The following ATN1 variants were observed in gnomAD, a reference collection of about 807,000 sequenced individuals.
ATN1 encodes atrophin 1.
In ATN1, 19 loss-of-function variants were observed where a neutral mutation model predicts 85.8. The observed-to-expected ratio is 0.22, with a 90% CI of 0.15 to 0.32. The LOEUF (loss-of-function observed/expected upper bound fraction) is 0.32, where lower values mean the gene tolerates loss of function less well. ATN1 is among the 10% of genes least tolerant of loss of function. The pLI is 1.00. For synonymous variants in ATN1, 674 were observed against 657.0 expected, an observed-to-expected ratio of 1.03 and a Z score of -0.39; for missense variants, 1,453 against 1,564.5, an observed-to-expected ratio of 0.93 and a Z score of 1.20.
Position 6,937,347 on chromosome 12 carries a change from C to T in ATN1, c.2080C>T (p.Pro694Ser), listed in dbSNP as rs1945561044. The T allele has an allele frequency of 6.4e-7, 1 of 1,552,894 alleles. No homozygotes were observed. The highest frequency in any genetic ancestry group is 8.7e-7 in the Non-Finnish European group (1 of 1,150,000). ...TFKPGSPTVG[P>S]GPLPPAGPSG... is the part of the protein sequence containing the mutation. ...CAAGCCGGGCTCGCCCACCGTGGGA[C>T]CTGGGCCCCTGCCACCTGCGGGGCC... Residue 694 changes from proline to serine, a missense_variant, in exon 5 of 10, where the codon CCT becomes TCT. Physicochemically the swap from Pro to Ser is moderately conservative, Grantham distance 74. Coordinates refer to ENST00000396684, the MANE Select transcript of ATN1 (RefSeq NM_001940.4). The surrounding 1 kb of genome is among the most constrained non-coding windows in gnomAD (Gnocchi z 6.0).
At position 6,937,571 on chromosome 12, in the gene ATN1, C is replaced by T; in HGVS notation, c.2294+10C>T. 6.7e-7 allele frequency: 1 copy of T among 1,486,672 alleles called. No individual in the cohort carries two copies. Among genetic ancestry groups the T allele is most frequent in the African/African-American group, 1.4e-5 (1 of 70,748 alleles). The allele number at this position is 1,486,672 out of a possible 1,614,324, so 92.1% of individuals were successfully genotyped here. A position where few individuals can be genotyped will look rare whatever the true frequency, so the allele number is the denominator to read the frequency against. On this transcript the variant is annotated intron_variant, in intron 5 of 9. Transcript: ENST00000396684. This position sits in a 1 kb window ranked among gnomAD's most constrained non-coding sequence, Gnocchi z 6.0. ...CCAGTCAGTCTGCCAGGTGAGCGGC[C>T]AGGTGGGGCGGAGGTGGGCCTGGAA...
Position 6,937,975 on chromosome 12 carries a change from C to G in ATN1, c.2425C>G (p.Gln809Glu), listed in dbSNP as rs1555144104. The change falls in exon 6 of 10, where the codon CAG becomes GAG. Residue 809 changes from glutamine to glutamate, a missense_variant. Physicochemically the swap from Gln to Glu is conservative, Grantham distance 29. This residue lies in a region of ATN1 where 990 missense variants were observed against 914.8 expected (regional missense o/e 1.08). Coordinates refer to ENST00000396684, the MANE Select transcript of ATN1 (RefSeq NM_001940.4). This position sits in a 1 kb window ranked among gnomAD's most constrained non-coding sequence, Gnocchi z 6.0. ...GGAGAAGGTGCGGCGCGAGGCCGAG[C>G]AGCGCGCGCGCGAAGAAAAGGAGCG... ...LVEKVRREAE[Q>E]RAREEKERER... 6.4e-7 allele frequency: 1 copy of G among 1,555,338 alleles called. No individual in the cohort carries two copies. Among genetic ancestry groups the G allele is most frequent in the South Asian group, 1.2e-5 (1 of 84,574 alleles).
In ATN1 at chr12:6,939,173, T is replaced by C. The variant is rs782375052; in HGVS notation, c.3210T>C (p.His1070=). The C allele has an allele frequency of 1.4e-5, 22 of 1,594,626 alleles. No homozygotes were observed. In the South Asian group the frequency reaches 2.3e-4, roughly 17 times the overall value. ...ACCTGCACCAGCAAGATGCTATCCATGCAGGTGAGACCCCTCCTTCCTTGC... is the reference window on the plus strand; with the variant it reads ...ACCTGCACCAGCAAGATGCTATCCACGCAGGTGAGACCCCTCCTTCCTTGC... ...HLHLHQQDAI[H]AASASVHPLI... Residue 1070 remains histidine (H), a synonymous_variant, in exon 7 of 10, where the codon CAT becomes CAC. Coordinates refer to ENST00000396684, the MANE Select transcript of ATN1 (RefSeq NM_001940.4).
rs1555143352 is a variant in ATN1, at chr12:6,934,513, C to T, written c.214C>T (p.Arg72Trp). The T allele has an allele frequency of 3.1e-6, 5 of 1,587,904 alleles. No homozygotes were observed. In the African/African-American group the frequency reaches 4.0e-5, roughly 13 times the overall value. Reference protein sequence around the residue: ...ASTPKVNKQGRSEEISESESE... With the variant: ...ASTPKVNKQGWSEEISESESE... ...CACCCCAAAGGTCAACAAGCAGGGT[C>T]GGAGTGAGGAGATCTCAGAGAGTGA... is the stretch of plus-strand genomic sequence containing the variant. Residue 72 changes from arginine (R) to tryptophan (W), a missense_variant, in exon 4 of 10, where the codon CGG becomes TGG. Physicochemically the swap from Arg to Trp is moderately radical, Grantham distance 101. Transcript: ENST00000396684. The surrounding 1 kb of genome is among the most constrained non-coding windows in gnomAD (Gnocchi z 4.5).
chr12:6,929,632 T>A (rs1349320380), intron 1 of ATN1, among the ~76,000 whole-genome samples: 1 of 152,150 alleles, frequency 6.6e-6, no homozygotes, highest in Non-Finnish European at 1.5e-5. Flanking sequence ...TGTTTCTGGA[T>A]CTGTTGGTGG....
chr12:6,933,318 G>A lies in ATN1; in HGVS notation c.-162-522G>A, dbSNP rs782682144. Among the ~76,000 whole-genome samples the A allele has an allele frequency of 2.6e-5, 4 of 151,984 alleles. No homozygotes were observed. In the South Asian group the frequency reaches 8.3e-4, roughly 31 times the overall value. On this transcript the variant is annotated intron_variant, in intron 1 of 9. Coordinates refer to ENST00000396684, the MANE Select transcript of ATN1 (RefSeq NM_001940.4). ...TGCAACCTCTGCCTCCCAGGTTCAA[G>A]TGATTTGCTTGCCTCAGCCTCCTGA...
In ATN1 at chr12:6,937,453, A is replaced by T; in HGVS notation, c.2186A>T (p.Glu729Val). The change falls in exon 5 of 10, where the codon GAG becomes GTG. Residue 729 changes from glutamate to valine, a missense_variant. Around this residue, in one of 6 missense-constraint regions of ATN1, gnomAD observed 990 missense variants for 914.8 expected, o/e 1.08. Transcript: ENST00000396684. The surrounding 1 kb of genome is among the most constrained non-coding windows in gnomAD (Gnocchi z 6.0). ...PPLSATQIKQ[E>V]PAEEYETPES... is the part of the protein sequence containing the mutation. ...CTGAGCGCCACGCAGATCAAACAGG[A>T]GCCGGCTGAGGAGTATGAGACCCCC... 2 of 1,546,576 alleles carry T rather than the reference A, an allele frequency of 1.3e-6. No individual in the cohort carries two copies. Among genetic ancestry groups the T allele is most frequent in the Non-Finnish European group, 8.7e-7 (1 of 1,147,100 alleles).
At chr12:6,926,948 C>T (rs1555142622), upstream of ATN1, among the ~76,000 whole-genome samples, 1 of 151,760 alleles carries the variant, frequency 6.6e-6, no homozygotes, top group Non-Finnish European at 1.5e-5. Flanking sequence ...CCAGCCAGCC[C>T]GGTGTCTCCC....
rs1945562079 is a variant in ATN1, at chr12:6,937,381, T to TGCCATCGCTGCC, written c.2115_2126dup (p.Ser707_Pro710dup). ...CTGCCACCTGCGGGGCCCTCAGGCC[T>TGCCATCGCTGCC]GCCATCGCTGCCACCACCACCTGCG... On this transcript the variant is annotated inframe_insertion, in exon 5 of 10. Coordinates refer to ENST00000396684, the MANE Select transcript of ATN1 (RefSeq NM_001940.4). This position sits in a 1 kb window ranked among gnomAD's most constrained non-coding sequence, Gnocchi z 6.0. The TGCCATCGCTGCC allele has an allele frequency of 1.9e-6, 3 of 1,548,800 alleles. No individual in the cohort carries two copies. The East Asian group carries it at 7.3e-5, about 38-fold the overall frequency.
Position 6,941,837 on chromosome 12 carries a change from C to A in ATN1, c.*57C>A. On this transcript the variant is annotated 3_prime_UTR_variant, in exon 10 of 10. Transcript: ENST00000396684. The surrounding 1 kb of genome is among the most constrained non-coding windows in gnomAD (Gnocchi z 5.9). The stretch of plus-strand genomic sequence containing the variant: ...ACATTGGACCTTGGAGCACCCCCAC[C>A]CTCCCCCCACCGTGCCCTTGGCCTG... 6.3e-7 allele frequency: 1 copy of A among 1,577,714 alleles called. No homozygotes were observed. The highest frequency in any genetic ancestry group is 2.2e-5 in the East Asian group (1 of 44,692).
Position 6,936,173 on chromosome 12 carries a change from TC to T in ATN1, c.911del (p.Pro304HisfsTer4). The T allele has an allele frequency of 1.3e-6, 2 of 1,543,288 alleles. No homozygotes were observed. The highest frequency in any genetic ancestry group is 1.7e-6 in the Non-Finnish European group (2 of 1,144,836). On this transcript the variant is annotated frameshift_variant, in exon 5 of 10. Coordinates refer to ENST00000396684, the MANE Select transcript of ATN1 (RefSeq NM_001940.4). LOFTEE classifies it high-confidence loss of function. ...TCCCCCATGTGACACCGAACCTGCCTCCCCCACCTGCCCTGAGACCCCTCAA... is the reference window on the plus strand; with the variant it reads ...TCCCCCATGTGACACCGAACCTGCCTCCCCACCTGCCCTGAGACCCCTCAA... ...NFPHVTPNLP[P>X]PPALRPLNNA... is the part of the protein sequence containing the mutation.
rs1555142953 is a variant in ATN1, at chr12:6,930,543, C to T, written c.-163+2159C>T. Among the ~76,000 whole-genome samples the T allele has an allele frequency of 1.3e-5, 2 of 152,228 alleles. 1 individual carries two copies. The highest frequency in any genetic ancestry group is 4.1e-4 in the South Asian group (2 of 4,834). ...GTGCGCAGTGGCTCACGCCTGTAATCCCAGCACTTTGGGAGGCTGAGGCGG... is the reference window on the plus strand; with the variant it reads ...GTGCGCAGTGGCTCACGCCTGTAATTCCAGCACTTTGGGAGGCTGAGGCGG... On this transcript the variant is annotated intron_variant, in intron 1 of 9. Transcript: ENST00000396684.
rs781808742 is a variant in ATN1 at position 6,940,948 on chromosome 12, C to T, written c.3283C>T (p.Pro1095Ser). 5 of 1,614,218 alleles carry T rather than the reference C, an allele frequency of 3.1e-6. No individual in the cohort carries two copies. In the South Asian group the frequency reaches 4.4e-5, roughly 14 times the overall value. ...SGSHLTRIPY[P>S]AGTLPNPLLP... ...GTCTCACCTTACCCGGATCCCCTAC[C>T]CAGCTGGAACTCTCCCTAACCCCCT... Residue 1095 changes from proline (P) to serine (S), a missense_variant, in exon 8 of 10, where the codon CCA (proline) becomes TCA (serine). By Grantham distance (74) the Pro-to-Ser change is moderately conservative. Transcript: ENST00000396684.
intron 6 of ATN1, 22 bp from the exon 7 acceptor site, chr12:6,938,459 C>T: frequency 6.3e-7 from 1 of 1,585,292 alleles, no homozygotes; most frequent in Non-Finnish European, 8.6e-7. Context: ...GCTTTGACTC[C>T]ACTTTTCCCT....
At chr12:6,926,500 C>G (rs1945400335), upstream of ATN1, among the ~76,000 whole-genome samples, 1 of 150,002 alleles carries the variant, frequency 6.7e-6, no homozygotes, top group Non-Finnish European at 1.5e-5. Flanking sequence ...TTTGAGACGG[C>G]GTCTCGCTCT....
Position 6,938,845 on chromosome 12 carries a change from A to G in ATN1, c.2882A>G (p.His961Arg), listed in dbSNP as rs1555144271. The G allele has an allele frequency of 1.2e-6, 2 of 1,613,946 alleles. No homozygotes were observed. The highest frequency in any genetic ancestry group is 1.7e-5 in the Admixed American group (1 of 60,004). The change falls in exon 7 of 10, where the codon CAT becomes CGT. Residue 961 changes from histidine (H) to arginine (R), a missense_variant. By Grantham distance (29) the His-to-Arg change is conservative. Coordinates refer to ENST00000396684, the MANE Select transcript of ATN1 (RefSeq NM_001940.4). ...EVKPSELEPL[H>R]GVPGPGLDPF... ...AAGCCTAGTGAGCTGGAACCCCTAC[A>G]TGGGGTCCCTGGGCCGGGCTTGGAT...
rs143492759 is a variant in ATN1, at chr12:6,935,639, C to T, written c.372C>T (p.Ile124=). Residue 124 remains isoleucine, a synonymous_variant, in exon 5 of 10, where the codon ATC becomes ATT. Transcript: ENST00000396684. This position sits in a 1 kb window ranked among gnomAD's most constrained non-coding sequence, Gnocchi z 5.3. ...ATGGCAGCAGCGACCCTAGGGATAT[C>T]GACCAGGACAACCGAAGCACGTCCC... ...NDDGSSDPRD[I]DQDNRSTSPS... 14 of 1,613,948 alleles carry T rather than the reference C, an allele frequency of 8.7e-6. No individual in the cohort carries two copies. The highest frequency in any genetic ancestry group is 4.4e-5 in the South Asian group (4 of 91,084).
In ATN1 at chr12:6,937,288, G is replaced by A. The variant is rs1945559466; in HGVS notation, c.2021G>A (p.Arg674Gln). 4 of 1,600,862 alleles carry A rather than the reference G, an allele frequency of 2.5e-6. No homozygotes were observed. Among genetic ancestry groups the A allele is most frequent in the Non-Finnish European group, 2.6e-6 (3 of 1,174,746 alleles). ...CGAACGGGGACCCCACCGGGCTATCGAGGAACCTCGCCACCTGCAGGCCCA... is the reference window on the plus strand; with the variant it reads ...CGAACGGGGACCCCACCGGGCTATCAAGGAACCTCGCCACCTGCAGGCCCA... ...SFRTGTPPGY[R>Q]GTSPPAGPGT... The change falls in exon 5 of 10, where the codon CGA (arginine) becomes CAA (glutamine). Residue 674 changes from arginine to glutamine, a missense_variant. Arg to Gln is a conservative substitution (Grantham distance 43). Coordinates refer to ENST00000396684, the MANE Select transcript of ATN1 (RefSeq NM_001940.4). The surrounding 1 kb of genome is among the most constrained non-coding windows in gnomAD (Gnocchi z 6.0).
chr12:6,937,016 C>T lies in ATN1; in HGVS notation c.1749C>T (p.Tyr583=). 6.2e-7 allele frequency: 1 copy of T among 1,613,878 alleles called. No individual in the cohort carries two copies. ...CCTCTTCCACTTCTCAAGGGTCCTA[C>T]CCATGTTCACACCCCTCCCCTTCCC... ...NSSSSTSQGS[Y]PCSHPSPSQG... The change falls in exon 5 of 10, where the codon TAC becomes TAT. Residue 583 remains tyrosine (Y), a synonymous_variant. Coordinates refer to ENST00000396684, the MANE Select transcript of ATN1 (RefSeq NM_001940.4). This position sits in a 1 kb window ranked among gnomAD's most constrained non-coding sequence, Gnocchi z 6.0.
Sources: gnomAD v4.1 joint callset for allele counts (sites outside exome capture counted in the v4.1 genomes callset) on GRCh38, gnomAD v4.1.1 for gene constraint, gnomAD v4.1.1 regional missense constraint, Gnocchi (gnomAD v3.1) non-coding constraint, MANE v1.5 for transcripts, NCBI Gene and HGNC (gene_info 2026-07-23, HGNC 2026-07-21) for gene names.